Variants in DIAPH2 observed in about 807,000 individuals in gnomAD.
DIAPH2 encodes the protein diaphanous related formin 2.
In DIAPH2, 35 loss-of-function variants were observed where a neutral mutation model predicts 92.7. That is an observed-to-expected ratio of 0.38 (90% CI 0.29 to 0.50). The LOEUF (loss-of-function observed/expected upper bound fraction) is 0.50. Ranked by LOEUF, DIAPH2 falls within the 20% of genes least tolerant of loss-of-function variation. DIAPH2 has a pLI of 0.94. For missense variants in DIAPH2, 701 were observed against 819.5 expected (o/e 0.86, Z 1.77); for synonymous variants, 301 against 280.4 (o/e 1.07, Z -0.73).
intron 4 of DIAPH2, among the ~76,000 whole-genome samples, chrX:96,830,700 T>G (rs1292090691): frequency 9.1e-6 from 1 of 109,892 alleles, no homozygotes; most frequent in Non-Finnish European, 1.9e-5. Flanking sequence ...AAAAAGGATT[T>G]AACTTCAAAC....
intron 25 of DIAPH2, among the ~76,000 whole-genome samples, chrX:97,410,711 A>T (rs1165047126): frequency 9.0e-6 from 1 of 110,688 alleles, no homozygotes; most frequent in Non-Finnish European, 1.9e-5. Flanking sequence ...TGTAGAGAAG[A>T]CACCTGATGG....
chrX:97,157,801 G>C (rs1258437216), intron 22 of DIAPH2, among the ~76,000 whole-genome samples: 1 of 112,015 alleles, frequency 8.9e-6, no homozygotes, highest in Non-Finnish European at 1.9e-5. Context: ...AAAGTGTCTA[G>C]CAGAATCAAA....
At chrX:97,266,486 C>T (rs1302805013) in intron 23 of DIAPH2, among the ~76,000 whole-genome samples, 1 of 111,530 alleles carries the variant, frequency 9.0e-6, no homozygotes, top group Non-Finnish European at 1.9e-5. Flanking sequence ...ATTAGAATAC[C>T]ACCAGGACAT....
At chrX:97,304,225 C>A (rs1316730957) in intron 23 of DIAPH2, among the ~76,000 whole-genome samples, 2 of 112,017 alleles carry the variant, frequency 1.8e-5, no homozygotes, top group African/African-American at 3.2e-5. Flanking sequence ...ATGTGGTTTT[C>A]AGATCATGTC....
chrX:96,827,169 A>G (rs953946825), intron 4 of DIAPH2, among the ~76,000 whole-genome samples: 2 of 112,352 alleles, frequency 1.8e-5, no homozygotes, highest in Non-Finnish European at 3.8e-5. Flanking sequence ...TTAAAACAAA[A>G]CATTCTTAGA....
At chrX:96,855,083 T>C in intron 4 of DIAPH2, among the ~76,000 whole-genome samples, 1 of 111,307 alleles carries the variant, frequency 9.0e-6, no homozygotes, top group Admixed American at 9.6e-5. Flanking sequence ...AATTTCTTAT[T>C]TTTTTATTTT....
At chrX:97,560,417 G>A (rs759759933) in intron 26 of DIAPH2, among the ~76,000 whole-genome samples, 7 of 112,355 alleles carry the variant, frequency 6.2e-5, no homozygotes, top group Non-Finnish European at 1.1e-4. Flanking sequence ...CCAGTTAGCT[G>A]TGAGAGTAAA....
At chrX:97,331,926 A>T (rs2069005359) in intron 23 of DIAPH2, among the ~76,000 whole-genome samples, 1 of 111,543 alleles carries the variant, frequency 9.0e-6, no homozygotes, top group South Asian at 3.8e-4. Flanking sequence ...TAGAAAATAT[A>T]TAGTATTTCA....
chrX:97,242,531 T>C (rs1226216935), intron 22 of DIAPH2, among the ~76,000 whole-genome samples: 1 of 109,151 alleles, frequency 9.2e-6, no homozygotes, highest in African/African-American at 3.3e-5. Context: ...GCCCAGCTAA[T>C]TTTTTTGTAT....
In DIAPH2 at chrX:96,876,317, G is replaced by A. The variant is rs188837784; in HGVS notation, c.448-5262G>A. ...ACACTTTGACACTGTTGGTGGGACT[G>A]TAAACTGGTTCAACCACTGTGGAAG... On this transcript the variant is annotated intron_variant, in intron 4 of 26. Coordinates refer to ENST00000324765, the MANE Select transcript of DIAPH2 (RefSeq NM_006729.5). Among the ~76,000 whole-genome samples the A allele has an allele frequency of 3.6e-5, 4 of 112,038 alleles. No individual in the cohort carries two copies. In the East Asian group the frequency reaches 1.1e-3, roughly 32 times the overall value.
chrX:97,263,545 A>C, intron 23 of DIAPH2, among the ~76,000 whole-genome samples: 1 of 104,681 alleles, frequency 9.6e-6, no homozygotes, highest in Non-Finnish European at 2.0e-5. Flanking sequence ...TGTAAATAGG[A>C]TGTTCCAACT....
In DIAPH2 at chrX:96,840,655, C is replaced by T. The variant is rs1204560307; in HGVS notation, c.448-40924C>T. Among the ~76,000 whole-genome samples, 48 of 110,816 alleles carry T rather than the reference C, an allele frequency of 4.3e-4. No homozygotes were observed. In the Admixed American group the frequency reaches 4.6e-3, roughly 11 times the overall value. ...ACGGAGTCTGGCTCTGTCGCCCAGG[C>T]TGGGGTGCAGTGGCGTGATCTCGGC... On this transcript the variant is annotated intron_variant, in intron 4 of 26. Transcript: ENST00000324765.
chrX:97,184,116 T>G (rs960260318), intron 22 of DIAPH2, among the ~76,000 whole-genome samples: 7 of 112,303 alleles, frequency 6.2e-5, no homozygotes, highest in Admixed American at 1.9e-4. Flanking sequence ...GGAGCTCTTA[T>G]TATAGTTTCT....
intron 23 of DIAPH2, among the ~76,000 whole-genome samples, chrX:97,290,904 G>GTCTC (rs1273504504): frequency 5.4e-5 from 6 of 110,457 alleles, no homozygotes; most frequent in African/African-American, 2.0e-4. Flanking sequence ...GTGAAACCCT[G>GTCTC]TCTCTACTAA....
chrX:97,419,948 C>T (rs1488535103), intron 25 of DIAPH2, among the ~76,000 whole-genome samples: 2 of 111,295 alleles, frequency 1.8e-5, no homozygotes, highest in Non-Finnish European at 3.8e-5. Flanking sequence ...ATAAGACACA[C>T]GGAGTATTTC....
At chrX:97,408,290 G>A (rs746262295) in intron 25 of DIAPH2, among the ~76,000 whole-genome samples, 25 of 111,484 alleles carry the variant, frequency 2.2e-4, no homozygotes, top group Non-Finnish European at 4.3e-4. Flanking sequence ...GAAGAGGTTA[G>A]TAAGTGTTGC....
intron 26 of DIAPH2, among the ~76,000 whole-genome samples, chrX:97,593,602 AGATT>A (rs2071531396): frequency 3.6e-5 from 4 of 111,930 alleles, no homozygotes; most frequent in Admixed American, 2.8e-4. Flanking sequence ...ACAGTGTAAA[AGATT>A]GATAGATTTA....
intron 17 of DIAPH2, among the ~76,000 whole-genome samples, chrX:96,972,697 G>A (rs1214159061): frequency 9.0e-6 from 1 of 111,044 alleles, no homozygotes; most frequent in Non-Finnish European, 1.9e-5. Context: ...TTAATTTTGA[G>A]TAGGGTCAAT....
At chrX:97,424,793 T>C (rs1350991342) in intron 25 of DIAPH2, among the ~76,000 whole-genome samples, 1 of 109,862 alleles carries the variant, frequency 9.1e-6, no homozygotes, top group Non-Finnish European at 1.9e-5. Flanking sequence ...TTTTTTTTTC[T>C]TTTGTATTTT....
Sources: gnomAD v4.1 joint callset for allele counts (sites outside exome capture counted in the v4.1 genomes callset) on GRCh38, gnomAD v4.1.1 for gene constraint, MANE v1.5 for transcripts, NCBI Gene and HGNC (gene_info 2026-07-23, HGNC 2026-07-21) for gene names.